The following ATRN variants were observed in gnomAD, a reference collection of about 807,000 sequenced individuals.
ATRN encodes attractin.
In ATRN, 54 loss-of-function variants were observed where a neutral mutation model predicts 178.7. The observed-to-expected ratio is 0.30, with a 90% CI of 0.24 to 0.38. The LOEUF (loss-of-function observed/expected upper bound fraction) is 0.38. Among genes scored for constraint, ATRN ranks in the 10% least tolerant of loss-of-function variants. ATRN has a pLI of 1.00. For missense variants in ATRN, 1,443 were observed against 1,815.1 expected (o/e 0.79, Z 3.73); for synonymous variants, 636 against 663.0 (o/e 0.96, Z 0.63).
chr20:3,524,826 A>C (rs1402866116), intron 1 of ATRN, among the ~76,000 whole-genome samples: 1 of 152,226 alleles, frequency 6.6e-6, no homozygotes, highest in Non-Finnish European at 1.5e-5. Flanking sequence ...TAACGAAATT[A>C]AGGCAGAAAT....
Position 3,578,644 on chromosome 20 carries a change from A to G in ATRN, c.2416A>G (p.Lys806Glu), listed in dbSNP as rs1042354754. 18 of 1,613,764 alleles carry G rather than the reference A, an allele frequency of 1.1e-5. No homozygotes were observed. The highest frequency in any genetic ancestry group is 1.5e-5 in the Non-Finnish European group (18 of 1,179,848). ...CTCATGTTTGAAAATTACTACTGCC[A>G]AGGAGAATTATGACAATGCTAAATT... Reference protein sequence around the residue: ...GNSCLKITTAKENYDNAKLFC... With the variant: ...GNSCLKITTAEENYDNAKLFC... Residue 806 changes from lysine to glutamate, a missense_variant, in exon 15 of 29, where the codon AAG becomes GAG. Lys to Glu is a moderately conservative substitution (Grantham distance 56). Around this residue, in one of 4 missense-constraint regions of ATRN, gnomAD observed 212 missense variants for 330.7 expected, o/e 0.64. Coordinates refer to ENST00000262919, the MANE Select transcript of ATRN (RefSeq NM_139321.3).
intron 1 of ATRN, among the ~76,000 whole-genome samples, chr20:3,504,977 A>T (rs1339050063): frequency 6.6e-6 from 1 of 152,118 alleles, no homozygotes; most frequent in East Asian, 1.9e-4. Context: ...CAAAAAGATA[A>T]ACTCAAAAAC....
rs1568780952 is a variant in ATRN at position 3,646,777 on chromosome 20, A to G, written c.4220A>G (p.Tyr1407Cys). 3 of 1,609,636 alleles carry G rather than the reference A, an allele frequency of 1.9e-6. No homozygotes were observed. The highest frequency in any genetic ancestry group is 2.5e-6 in the Non-Finnish European group (3 of 1,178,018). The change falls in exon 29 of 29, where the codon TAC becomes TGC. Residue 1407 changes from tyrosine to cysteine, a missense_variant. By Grantham distance (194) the Tyr-to-Cys change is radical. This residue lies in a region of ATRN where 289 missense variants were observed against 440.8 expected (regional missense o/e 0.66). Coordinates refer to ENST00000262919, the MANE Select transcript of ATRN (RefSeq NM_139321.3). Reference protein sequence around the residue: ...VDISQQMPIVYKEKSGAVRNR... With the variant: ...VDISQQMPIVCKEKSGAVRNR... The stretch of plus-strand genomic sequence containing the variant: ...ATTTCTCAGCAGATGCCGATAGTGT[A>G]CAAGGAGAAGTCAGGAGCCGTGAGA...
At chr20:3,592,373 C>A (rs1475840002) in intron 19 of ATRN, 1 of 845,162 alleles carries the variant, frequency 1.2e-6, no homozygotes, top group African/African-American at 1.9e-5. Flanking sequence ...GCACTCCAGC[C>A]TGGGCAACAG....
chr20:3,572,981 A>T (rs1323092906), intron 12 of ATRN, 30 bp downstream of exon 12: 2 of 1,587,234 alleles, frequency 1.3e-6, no homozygotes, highest in Non-Finnish European at 1.7e-6. Context: ...CTTAGATTTT[A>T]ATGAATTTGA....
chr20:3,515,319 C>T (rs548836159), intron 1 of ATRN, among the ~76,000 whole-genome samples: 1 of 152,170 alleles, frequency 6.6e-6, no homozygotes, highest in Non-Finnish European at 1.5e-5. Flanking sequence ...GTATGTAAAG[C>T]TTTGAGACAG....
rs2086220623 is a variant in ATRN, at chr20:3,576,924, C to A, written c.2280C>A (p.Thr760=). The A allele has an allele frequency of 6.2e-7, 1 of 1,614,068 alleles. No individual in the cohort carries two copies. Among genetic ancestry groups the A allele is most frequent in the Non-Finnish European group, 8.5e-7 (1 of 1,180,006 alleles). The change falls in exon 14 of 29, where the codon ACC becomes ACA. Residue 760 remains threonine, a synonymous_variant. Coordinates refer to ENST00000262919, the MANE Select transcript of ATRN (RefSeq NM_139321.3). The part of the protein sequence containing the change: ...DNPMYYCNKK[T]SCRSCALDQN... ...CCATGTACTACTGTAACAAGAAGACCAGCTGCAGGAGCTGTGCCCTGGACC... is the reference window on the plus strand; with the variant it reads ...CCATGTACTACTGTAACAAGAAGACAAGCTGCAGGAGCTGTGCCCTGGACC...
At chr20:3,575,795 TC>T in intron 12 of ATRN, 31 bp from the exon 13 acceptor site, 2 of 1,584,716 alleles carry the variant, frequency 1.3e-6, no homozygotes, top group South Asian at 1.2e-5. Flanking sequence ...ATTGAAGTTG[TC>T]CCAGTTCATG....
chr20:3,497,630 A>G (rs1167493557), intron 1 of ATRN, among the ~76,000 whole-genome samples: 2 of 151,976 alleles, frequency 1.3e-5, no homozygotes. Context: ...GAATCTGACA[A>G]TTATGTGTCT....
chr20:3,515,927 A>G (rs2085200326), intron 1 of ATRN, among the ~76,000 whole-genome samples: 1 of 152,194 alleles, frequency 6.6e-6, no homozygotes, highest in Admixed American at 6.5e-5. Flanking sequence ...ACGTGCATTT[A>G]GTCATGGGAA....
At chr20:3,486,937 C>T (rs541125061) in intron 1 of ATRN, among the ~76,000 whole-genome samples, 86 of 152,140 alleles carry the variant, frequency 5.7e-4, no homozygotes, top group Admixed American at 9.2e-4. Flanking sequence ...TCTCTTAGTA[C>T]GACTTTTAGA....
At chr20:3,585,020 T>C (rs1227505900) in intron 18 of ATRN, 140 bp downstream of exon 18, 1 of 824,086 alleles carries the variant, frequency 1.2e-6, no homozygotes, top group Non-Finnish European at 1.9e-6. Context: ...CAAGAAGGAA[T>C]AGACCAGAAG....
Position 3,474,504 on chromosome 20 carries a change from G to A in ATRN, c.410+2987G>A, listed in dbSNP as rs1035014607. Among the ~76,000 whole-genome samples the A allele has an allele frequency of 2.0e-5, 3 of 151,892 alleles. No homozygotes were observed. In the South Asian group the frequency reaches 6.2e-4, roughly 32 times the overall value. The stretch of plus-strand genomic sequence containing the variant: ...CGGTGTATCACGAGGTCAGGAGATC[G>A]AGACCATCCTGGCTAACTTGGTGAA... On this transcript the variant is annotated intron_variant, in intron 1 of 28. Transcript: ENST00000262919.
rs1442813688 is a variant in ATRN, at chr20:3,596,381, G to T, written c.3421G>T (p.Glu1141Ter). The change falls in exon 21 of 29, where the codon GAG (glutamate) becomes TAG (stop). Residue 1141 changes from glutamate (E) to a stop codon, truncating the protein, a stop_gained. Coordinates refer to ENST00000262919, the MANE Select transcript of ATRN (RefSeq NM_139321.3). LOFTEE classifies it high-confidence loss of function. ...GVKGDECQLC[E>*]VENRYQGNPL... ...ATAGTCTTTTTTCCCCCCCAGATGT[G>T]AGGTAGAAAATCGATACCAAGGAAA... 6.2e-7 allele frequency: 1 copy of T among 1,613,388 alleles called. No homozygotes were observed.
chr20:3,525,277 G>A (rs375589328), intron 1 of ATRN, among the ~76,000 whole-genome samples: 5 of 152,110 alleles, frequency 3.3e-5, no homozygotes, highest in Non-Finnish European at 5.9e-5. Flanking sequence ...ACAACTCTAC[G>A]CAAATAAACT....
At chr20:3,547,582 A>G (rs972834920) in intron 5 of ATRN, 93 bp downstream of exon 5, 2 of 993,282 alleles carry the variant, frequency 2.0e-6, no homozygotes, top group Non-Finnish European at 2.9e-6. Flanking sequence ...GCACCTATAT[A>G]ATTTATATTA....
chr20:3,635,849 G>A (rs1265587861), intron 26 of ATRN, among the ~76,000 whole-genome samples: 2 of 151,840 alleles, frequency 1.3e-5, no homozygotes, highest in African/African-American at 4.8e-5. Flanking sequence ...ATATTCAAAG[G>A]GTTTTTTAGA....
At chr20:3,488,378 C>T (rs764141906) in intron 1 of ATRN, among the ~76,000 whole-genome samples, 2 of 151,102 alleles carry the variant, frequency 1.3e-5, no homozygotes, top group Non-Finnish European at 3.0e-5. Context: ...GTGTGTGGTG[C>T]GAGGTTAGAG....
At position 3,533,630 on chromosome 20, in the gene ATRN, A is replaced by G. The variant is rs564316188; in HGVS notation, c.411-1623A>G. On this transcript the variant is annotated intron_variant, in intron 1 of 28. Coordinates refer to ENST00000262919, the MANE Select transcript of ATRN (RefSeq NM_139321.3). Reference sequence around the variant, plus strand: ...CACATGTTGGGGATGACAGAGCAATAGTATAGAACAGCATTAGGTCCCTGA... The same window carrying G: ...CACATGTTGGGGATGACAGAGCAATGGTATAGAACAGCATTAGGTCCCTGA... Among the ~76,000 whole-genome samples, 7 of 152,172 alleles carry G rather than the reference A, an allele frequency of 4.6e-5. No individual in the cohort carries two copies. In the East Asian group the frequency reaches 7.7e-4, roughly 17 times the overall value.
Sources: gnomAD v4.1 joint callset for allele counts (sites outside exome capture counted in the v4.1 genomes callset) on GRCh38, gnomAD v4.1.1 for gene constraint, gnomAD v4.1.1 regional missense constraint, MANE v1.5 for transcripts, NCBI Gene and HGNC (gene_info 2026-07-23, HGNC 2026-07-21) for gene names.